Variants in FMN2 observed in about 807,000 individuals in gnomAD.
The protein encoded by FMN2 is formin 2.
In FMN2, 51 loss-of-function variants were observed where a neutral mutation model predicts 142.3. The observed-to-expected ratio is 0.36, with a 90% confidence interval of 0.29 to 0.45. The LOEUF (loss-of-function observed/expected upper bound fraction) is 0.45, where lower values mean the gene tolerates loss of function less well. Among genes scored for constraint, FMN2 ranks in the 20% least tolerant of loss-of-function variants. The pLI is 1.00. For missense variants in FMN2, 1,936 were observed against 2,122.8 expected (o/e 0.91, Z 1.73); for synonymous variants, 882 against 869.8 (o/e 1.01, Z -0.25).
Position 240,228,303 on chromosome 1 carries a change from C to CAAAA in FMN2, c.4065+17094_4065+17097dup, listed in dbSNP as rs577421634. 2.2e-3 allele frequency among the ~76,000 whole-genome samples: 103 copies of CAAAA among 47,728 alleles called. 3 individuals are homozygous for CAAAA. Among genetic ancestry groups the CAAAA allele is most frequent in the Non-Finnish European group, 3.3e-3 (74 of 22,454 alleles). 31.3% of individuals were successfully genotyped at this position (47,728 alleles called of 152,430 possible). A position where few individuals can be genotyped will look rare whatever the true frequency, so the allele number is the denominator to read the frequency against. ...GGGCAACAAGAGTGAAACTCTGTCTCAAAAAAAAAAAAAAAAAAAAAAAAA... is the reference window on the plus strand; with the variant it reads ...GGGCAACAAGAGTGAAACTCTGTCTCAAAAAAAAAAAAAAAAAAAAAAAAAAAAA... On this transcript the variant is annotated intron_variant, in intron 6 of 17. Coordinates refer to ENST00000319653, the MANE Select transcript of FMN2 (RefSeq NM_020066.5).
At chr1:240,182,232 A>G (rs1157952217) in intron 3 of FMN2, among the ~76,000 whole-genome samples, 5 of 152,216 alleles carry the variant, frequency 3.3e-5, no homozygotes, top group South Asian at 2.1e-4. Context: ...TTTCAAATTC[A>G]TGGAGAACCT....
chr1:240,289,532 A>G (rs183428901), intron 7 of FMN2, among the ~76,000 whole-genome samples: 1 of 151,984 alleles, frequency 6.6e-6, no homozygotes, highest in South Asian at 2.1e-4. Flanking sequence ...TAGAAATATT[A>G]TCTGGGCATG....
intron 2 of FMN2, among the ~76,000 whole-genome samples, chr1:240,166,500 C>T (rs1344231948): frequency 3.3e-5 from 5 of 152,008 alleles, no homozygotes; most frequent in East Asian, 1.9e-4. Context: ...AAAGTGCTGG[C>T]ATTACAGATG....
chr1:240,252,720 T>A (rs1380530638), intron 6 of FMN2, among the ~76,000 whole-genome samples: 3 of 151,990 alleles, frequency 2.0e-5, no homozygotes, highest in Admixed American at 1.3e-4. Flanking sequence ...CTTTTGACAG[T>A]TTGACTCTAA....
intron 2 of FMN2, among the ~76,000 whole-genome samples, chr1:240,151,999 T>C (rs1207011859): frequency 6.6e-6 from 1 of 152,116 alleles, no homozygotes; most frequent in East Asian, 1.9e-4. Context: ...ACTCCTGGGC[T>C]CAAGCAATCC....
chr1:240,226,492 GA>G lies in FMN2; in HGVS notation c.4065+15259del, dbSNP rs535171937. On this transcript the variant is annotated intron_variant, in intron 6 of 17. Transcript: ENST00000319653. ...ATTTCCAGATAAACAAAAACTGAGA[GA>G]ATTTGTTGCTAAAAGACCTGGCTTT... 2.7e-3 allele frequency among the ~76,000 whole-genome samples: 411 copies of G among 152,298 alleles called. 2 individuals carry two copies. In the South Asian group the frequency reaches 0.027, roughly 10 times the overall value.
chr1:240,419,877 C>G (rs1260886324), intron 15 of FMN2, among the ~76,000 whole-genome samples: 2 of 152,100 alleles, frequency 1.3e-5, no homozygotes, highest in African/African-American at 4.8e-5. Context: ...TTTTCCCACT[C>G]TTGCCCTTTT....
At chr1:240,174,106 A>G (rs924955379) in intron 2 of FMN2, among the ~76,000 whole-genome samples, 1 of 152,202 alleles carries the variant, frequency 6.6e-6, no homozygotes, top group Non-Finnish European at 1.5e-5. Context: ...TTTTCTAAGC[A>G]TGCTATAGAT....
chr1:240,205,832 A>G (rs1419414824), intron 4 of FMN2, among the ~76,000 whole-genome samples: 1 of 151,054 alleles, frequency 6.6e-6, no homozygotes, highest in East Asian at 1.9e-4. Context: ...GTTTTAGGAA[A>G]GGAAGACACC....
intron 13 of FMN2, among the ~76,000 whole-genome samples, chr1:240,347,943 T>G (rs891188963): frequency 6.6e-6 from 1 of 152,194 alleles, no homozygotes; most frequent in African/African-American, 2.4e-5. Flanking sequence ...ATTCCACTGT[T>G]GATGGGCAGG....
intron 16 of FMN2, among the ~76,000 whole-genome samples, chr1:240,439,286 AGAAAG>A (rs1675521895): frequency 6.6e-6 from 1 of 150,850 alleles, no homozygotes; most frequent in Non-Finnish European, 1.5e-5. Context: ...AAAAAAAGAA[AGAAAG>A]AAAGAAAGAA....
intron 15 of FMN2, among the ~76,000 whole-genome samples, chr1:240,427,049 C>G (rs1221587589): frequency 6.6e-6 from 1 of 151,716 alleles, no homozygotes; most frequent in African/African-American, 2.4e-5. Context: ...CCAAGATACC[C>G]TTGTTAAAAG....
chr1:240,271,295 C>T (rs1669005103), intron 7 of FMN2, among the ~76,000 whole-genome samples: 1 of 151,448 alleles, frequency 6.6e-6, no homozygotes, highest in Non-Finnish European at 1.5e-5. Flanking sequence ...GGCTTTTTCG[C>T]TTCCCTATTA....
At chr1:240,410,282 T>C (rs1558476887) in intron 15 of FMN2, among the ~76,000 whole-genome samples, 1 of 152,210 alleles carries the variant, frequency 6.6e-6, no homozygotes, top group East Asian at 1.9e-4. Context: ...TATATTCAAG[T>C]CCCAGATCAG....
chr1:240,358,847 A>C (rs999293005), intron 14 of FMN2, among the ~76,000 whole-genome samples: 1 of 152,102 alleles, frequency 6.6e-6, no homozygotes, highest in Non-Finnish European at 1.5e-5. Flanking sequence ...CTTAAAATAC[A>C]TTTTTAAGGC....
In FMN2 at chr1:240,290,791, TTG is replaced by T. The variant is rs1490165133; in HGVS notation, c.4154-4029_4154-4028del. 4.7e-3 allele frequency among the ~76,000 whole-genome samples: 537 copies of T among 114,176 alleles called. 104 individuals carry two copies. Among genetic ancestry groups the T allele is most frequent in the African/African-American group, 0.016 (450 of 27,398 alleles). 74.9% of individuals were successfully genotyped at this position (114,176 alleles called of 152,430 possible). ...TGTCTGTTTGTTTGGTTTTTTTTTT[TTG>T]TTTTTTTTTTTTTTTGAGACAGAGT... On this transcript the variant is annotated intron_variant, in intron 7 of 17. Coordinates refer to ENST00000319653, the MANE Select transcript of FMN2 (RefSeq NM_020066.5).
intron 2 of FMN2, among the ~76,000 whole-genome samples, chr1:240,164,494 C>T (rs1664400336): frequency 6.6e-6 from 1 of 152,080 alleles, no homozygotes; most frequent in Non-Finnish European, 1.5e-5. Context: ...TTCTTTCAGC[C>T]TAAAGAGCAT....
chr1:240,203,704 C>A (rs1666218460), intron 4 of FMN2, among the ~76,000 whole-genome samples: 1 of 152,110 alleles, frequency 6.6e-6, no homozygotes, highest in Non-Finnish European at 1.5e-5. Flanking sequence ...CTAATGCATG[C>A]TGGGCATAAT....
chr1:240,093,356 C>A lies in FMN2; in HGVS notation c.1247C>A (p.Pro416His). Residue 416 changes from proline (P) to histidine (H), a missense_variant, in exon 1 of 18, where the codon CCC becomes CAC. By Grantham distance (77) the Pro-to-His change is moderately conservative. Coordinates refer to ENST00000319653, the MANE Select transcript of FMN2 (RefSeq NM_020066.5). The stretch of plus-strand genomic sequence containing the variant: ...TTCAAGCCCTACCCGCTCATCACCC[C>A]CTGCTACATCAAGACCACCACCCGG... Reference protein sequence around the residue: ...RCFKPYPLITPCYIKTTTRQL... With the variant: ...RCFKPYPLITHCYIKTTTRQL... 1 of 1,613,268 alleles carries A rather than the reference C, an allele frequency of 6.2e-7. No homozygotes were observed. The highest frequency in any genetic ancestry group is 8.5e-7 in the Non-Finnish European group (1 of 1,179,650).
Sources: allele counts gnomAD v4.1 joint callset (sites outside exome capture counted in the v4.1 genomes callset), GRCh38; gene constraint gnomAD v4.1.1; transcripts MANE v1.5; gene names NCBI Gene and HGNC (gene_info 2026-07-23, HGNC 2026-07-21).